The following TMEM43 variants were observed in gnomAD, a reference collection of about 807,000 sequenced individuals.
TMEM43 encodes the protein arrhythmogenic right ventricular dysplasia 5.
A neutral mutation model predicts 49.6 loss-of-function variants in TMEM43; 45 were observed. That is an observed-to-expected ratio of 0.91 (90% CI 0.71 to 1.16). The LOEUF is 1.16. Ranked by LOEUF, TMEM43 falls within the 50% of genes most tolerant of loss-of-function variation. TMEM43 has a pLI of 0.00. For synonymous variants in TMEM43, 199 were observed against 207.8 expected, an observed-to-expected ratio of 0.96 and a Z score of 0.36; for missense variants, 532 against 516.6, an observed-to-expected ratio of 1.03 and a Z score of -0.29.
In TMEM43 at chr3:14,125,313, G is replaced by C. The variant is rs140833608; in HGVS notation, c.12+108G>C. On this transcript the variant is annotated intron_variant, in intron 1 of 11. Transcript: ENST00000306077. ...TCGCCGCCTGGAGCTCCTCCGTGCGGCTAGGCCCGCATCTCCCTCTGCTCG... is the reference window on the plus strand; with the variant it reads ...TCGCCGCCTGGAGCTCCTCCGTGCGCCTAGGCCCGCATCTCCCTCTGCTCG... The C allele has an allele frequency of 1.3e-3, 1,771 of 1,372,126 alleles. 6 individuals are homozygous for C. The highest frequency in any genetic ancestry group is 1.8e-3 in the Admixed American group (92 of 50,776). 85.0% of individuals were successfully genotyped at this position (1,372,126 alleles called of 1,614,324 possible).
rs1343395046 is a variant in TMEM43, at chr3:14,135,216, T to C, written c.764T>C (p.Leu255Pro). 6.2e-7 allele frequency: 1 copy of C among 1,612,444 alleles called. No individual in the cohort carries two copies. Among genetic ancestry groups the C allele is most frequent in the Non-Finnish European group, 8.5e-7 (1 of 1,179,980 alleles). ...GGACTGAGCGGCGATGACCCTGACCTGGGCCCAGCTCACGTGGTAACCTGG... is the reference window on the plus strand; with the variant it reads ...GGACTGAGCGGCGATGACCCTGACCCGGGCCCAGCTCACGTGGTAACCTGG... Reference protein sequence around the residue: ...YAGLSGDDPDLGPAHVVTVIA... With the variant: ...YAGLSGDDPDPGPAHVVTVIA... Residue 255 changes from leucine to proline, a missense_variant, in exon 9 of 12, where the codon CTG becomes CCG. Physicochemically the swap from Leu to Pro is moderately conservative, Grantham distance 98. Transcript: ENST00000306077.
Position 14,125,055 on chromosome 3 carries a change from G to T in TMEM43, c.-139G>T, listed in dbSNP as rs551084788. 3 of 1,130,118 alleles carry T rather than the reference G, an allele frequency of 2.7e-6. No homozygotes were observed. Among genetic ancestry groups the T allele is most frequent in the East Asian group, 2.5e-5 (1 of 39,336 alleles). 70.0% of individuals were successfully genotyped at this position (1,130,118 alleles called of 1,614,324 possible). A position where few individuals can be genotyped will look rare whatever the true frequency, so the allele number is the denominator to read the frequency against. On this transcript the variant is annotated 5_prime_UTR_variant, in exon 1 of 12. Coordinates refer to ENST00000306077, the MANE Select transcript of TMEM43 (RefSeq NM_024334.3). ...CTGGGCACAGGGGGAGGTAACTGCA[G>T]TAAGTCCCGCTTGGCCCTGGAGTCC... is the stretch of plus-strand genomic sequence containing the variant.
intron 1 of TMEM43, chr3:14,128,730 G>T (rs765236289): frequency 2.2e-5 from 6 of 269,182 alleles, no homozygotes; most frequent in Non-Finnish European, 4.4e-5. Context: ...TTCATAAAAA[G>T]TTAAACGTAC....
intron 11 of TMEM43, 135 bp downstream of exon 11, chr3:14,139,432 G>A (rs1344547532): frequency 1.4e-6 from 1 of 730,882 alleles, no homozygotes; most frequent in African/African-American, 1.7e-5. Context: ...TCATCTCTGT[G>A]TCCCCGCTCC....
chr3:14,130,246 T>C (rs1401267006), intron 2 of TMEM43, among the ~76,000 whole-genome samples: 1 of 152,108 alleles, frequency 6.6e-6, no homozygotes, highest in Non-Finnish European at 1.5e-5. Flanking sequence ...TCAGTCTCCG[T>C]GTCCAGGGCG....
rs760105643 is a variant in TMEM43 at position 14,133,819 on chromosome 3, A to T, written c.583+10A>T. The T allele has an allele frequency of 6.2e-7, 1 of 1,613,798 alleles. No individual in the cohort carries two copies. The highest frequency in any genetic ancestry group is 1.6e-4 in the Middle Eastern group (1 of 6,062). On this transcript the variant is annotated intron_variant, in intron 7 of 11. Coordinates refer to ENST00000306077, the MANE Select transcript of TMEM43 (RefSeq NM_024334.3). ...TTTTTCCTCTCGTCAGGTAAGTCTC[A>T]GGCCTCTCCAGAGGAGCTCGTGCCA...
chr3:14,133,959 C>T (rs1695134639), intron 7 of TMEM43, 150 bp downstream of exon 7: 16 of 789,656 alleles, frequency 2.0e-5, no homozygotes, highest in South Asian at 1.7e-4. Flanking sequence ...CAGGGGAAGG[C>T]GAATCCCCAG....
Position 14,139,283 on chromosome 3 carries a change from T to A in TMEM43, c.986T>A (p.Ile329Asn). Residue 329 changes from isoleucine (I) to asparagine (N), a missense_variant, in exon 11 of 12, where the codon ATC becomes AAC. Ile to Asn is a moderately radical substitution (Grantham distance 149, BLOSUM62 -3). Coordinates refer to ENST00000306077, the MANE Select transcript of TMEM43 (RefSeq NM_024334.3). ...MFMGLNLMTR[I>N]LYTLVDWFPV... ...ATGGGCCTCAACCTTATGACACGGA[T>A]CCTCTACACCTTGGGTAGGTGTTGG... The A allele has an allele frequency of 6.2e-7, 1 of 1,613,784 alleles. No homozygotes were observed. The highest frequency in any genetic ancestry group is 8.5e-7 in the Non-Finnish European group (1 of 1,179,724).
At chr3:14,129,388 C>T in intron 1 of TMEM43, 24 bp from the exon 2 acceptor site, 1 of 1,521,768 alleles carries the variant, frequency 6.6e-7, no homozygotes, top group East Asian at 2.6e-5. Flanking sequence ...AGTTTTCATT[C>T]TGTTACTGTT....
intron 9 of TMEM43, 132 bp from the exon 10 acceptor site, chr3:14,135,673 TAG>T: frequency 1.5e-6 from 1 of 674,728 alleles, no homozygotes; most frequent in East Asian, 2.7e-5. Context: ...GATGGATGTA[TAG>T]AGAGAGAAGC....
Position 14,133,030 on chromosome 3 carries a change from C to A in TMEM43, c.512+95C>A, listed in dbSNP as rs892672013. The A allele has an allele frequency of 3.6e-6, 4 of 1,107,374 alleles. No individual in the cohort carries two copies. In the African/African-American group the frequency reaches 6.2e-5, roughly 17 times the overall value. 68.6% of individuals were successfully genotyped at this position (1,107,374 alleles called of 1,614,324 possible). On this transcript the variant is annotated intron_variant, in intron 6 of 11. Transcript: ENST00000306077. ...ATCTGAATAACAGGATTGAGTTAAT[C>A]CTGCCTCGTGGGTTGAAAATGTGGG...
chr3:14,131,098 G>GTA, intron 3 of TMEM43, 142 bp downstream of exon 3: 3 of 1,060,440 alleles, frequency 2.8e-6, no homozygotes, highest in Non-Finnish European at 2.7e-6. Context: ...CAGCTGTGTG[G>GTA]ACTTGTCTAT....
In TMEM43 at chr3:14,132,602, G is replaced by A. The variant is rs373590238; in HGVS notation, c.442+7G>A. The A allele has an allele frequency of 5.8e-5, 94 of 1,614,012 alleles. 1 individual carries two copies. The African/African-American group carries it at 1.2e-3, about 20-fold the overall frequency. ...GAGACGAGGTATTCCTACAGTGAGT[G>A]CTGGGCCCCTTACGTGGTCTCTGCC... On this transcript the variant is annotated splice_region_variant and intron_variant, in intron 5 of 11. Transcript: ENST00000306077.
In TMEM43 at chr3:14,125,106, G is replaced by T. The variant is rs1264386546; in HGVS notation, c.-88G>T. ...ACGCGGATTTTCGAAGCTGGGGCTG[G>T]CAAGAGGCCGCTGGACACCACGCTC... On this transcript the variant is annotated 5_prime_UTR_variant, in exon 1 of 12. Transcript: ENST00000306077. The T allele has an allele frequency of 6.4e-7, 1 of 1,559,766 alleles. No individual in the cohort carries two copies. The highest frequency in any genetic ancestry group is 1.4e-5 in the African/African-American group (1 of 74,068).
chr3:14,135,385 C>T (rs1409750194), intron 9 of TMEM43, among the ~76,000 whole-genome samples, 153 bp downstream of exon 9: 1 of 152,172 alleles, frequency 6.6e-6, no homozygotes, highest in Non-Finnish European at 1.5e-5. Context: ...CGCTTCTGAG[C>T]AGTTTCAGAG....
chr3:14,128,898 A>G (rs1344553843), intron 1 of TMEM43: 6 of 454,476 alleles, frequency 1.3e-5, no homozygotes, highest in Admixed American at 2.4e-5. Flanking sequence ...CTGACGAATG[A>G]TTCAGCACAC....
chr3:14,140,438 G>C (rs995006117), intron 11 of TMEM43, among the ~76,000 whole-genome samples: 2 of 152,120 alleles, frequency 1.3e-5, no homozygotes, highest in Admixed American at 1.3e-4. Context: ...GGACCCCCAG[G>C]GTGGGTGGGG....
At chr3:14,139,437 C>T (rs973733914) in intron 11 of TMEM43, 140 bp downstream of exon 11, 8 of 712,024 alleles carry the variant, frequency 1.1e-5, no homozygotes, top group East Asian at 2.6e-5. Flanking sequence ...TCTGTGTCCC[C>T]GCTCCATAGC....
rs530183718 is a variant in TMEM43, at chr3:14,132,607, G to C, written c.442+12G>C. Reference sequence around the variant, plus strand: ...GAGGTATTCCTACAGTGAGTGCTGGGCCCCTTACGTGGTCTCTGCCCATGG... The same window carrying C: ...GAGGTATTCCTACAGTGAGTGCTGGCCCCCTTACGTGGTCTCTGCCCATGG... On this transcript the variant is annotated intron_variant, in intron 5 of 11. Transcript: ENST00000306077. The C allele has an allele frequency of 1.8e-4, 294 of 1,614,036 alleles. 1 individual carries two copies. The highest frequency in any genetic ancestry group is 1.4e-3 in the South Asian group (131 of 91,076).
Sources: gnomAD v4.1 joint callset for allele counts (sites outside exome capture counted in the v4.1 genomes callset) on GRCh38, gnomAD v4.1.1 for gene constraint, MANE v1.5 for transcripts, NCBI Gene and HGNC (gene_info 2026-07-23, HGNC 2026-07-21) for gene names.